The following PKP4 variants were observed in gnomAD, a reference collection of about 807,000 sequenced individuals.
PKP4 encodes the protein plakophilin 4.
Under a neutral mutation model 145.1 loss-of-function variants are expected in PKP4, and 90 were observed. The observed-to-expected ratio is 0.62, with a 90% confidence interval of 0.52 to 0.74. The LOEUF is 0.74. PKP4 is among the 30% of genes least tolerant of loss of function. The pLI is 0.00. For synonymous variants in PKP4, 563 were observed against 577.2 expected (o/e 0.98, Z 0.35); for missense variants, 1,340 against 1,482.7 (o/e 0.90, Z 1.58).
intron 1 of PKP4, among the ~76,000 whole-genome samples, chr2:158,522,182 G>A (rs539943301): frequency 6.6e-6 from 1 of 152,280 alleles, no homozygotes; most frequent in African/African-American, 2.4e-5. Context: ...TTAGTAAGGC[G>A]AGTAGAAGGG....
At chr2:158,587,004 A>G (rs2048857644) in intron 3 of PKP4, among the ~76,000 whole-genome samples, 1 of 152,228 alleles carries the variant, frequency 6.6e-6, no homozygotes, top group Non-Finnish European at 1.5e-5. Context: ...TATGAGTAAT[A>G]GAATCTTTTT....
At chr2:158,668,661 C>T (rs2057321985) in intron 16 of PKP4, among the ~76,000 whole-genome samples, 1 of 152,244 alleles carries the variant, frequency 6.6e-6, no homozygotes, top group African/African-American at 2.4e-5. Context: ...ATCATCTGCT[C>T]TGAAAACCAC....
intron 2 of PKP4, among the ~76,000 whole-genome samples, chr2:158,563,615 C>G (rs765194525): frequency 4.6e-5 from 7 of 151,958 alleles, no homozygotes; most frequent in Non-Finnish European, 8.8e-5. Flanking sequence ...TGGGTTGTTT[C>G]CAGTTTTATT....
At chr2:158,459,144 T>A (rs1484598467) in intron 1 of PKP4, among the ~76,000 whole-genome samples, 1 of 152,222 alleles carries the variant, frequency 6.6e-6, no homozygotes, top group Non-Finnish European at 1.5e-5. Flanking sequence ...TCTTCTTGAA[T>A]GCAGTATATT....
chr2:158,522,297 T>C (rs1347609484), intron 1 of PKP4, among the ~76,000 whole-genome samples: 2 of 152,210 alleles, frequency 1.3e-5, no homozygotes, highest in African/African-American at 4.8e-5. Flanking sequence ...AGAGATTACA[T>C]ATATATTGAA....
chr2:158,513,452 C>A (rs1002781090), intron 1 of PKP4, among the ~76,000 whole-genome samples: 2 of 152,088 alleles, frequency 1.3e-5, no homozygotes, highest in African/African-American at 4.8e-5. Context: ...TCCTAGGATT[C>A]GATTTAATGA....
chr2:158,679,606 T>A (rs551493822), intron 21 of PKP4, among the ~76,000 whole-genome samples: 1 of 152,170 alleles, frequency 6.6e-6, no homozygotes, highest in African/African-American at 2.4e-5. Context: ...TTGGGCATAA[T>A]CAAGAACATA....
chr2:158,667,410 C>G (rs924582860), intron 16 of PKP4, among the ~76,000 whole-genome samples: 1 of 152,144 alleles, frequency 6.6e-6, no homozygotes, highest in Non-Finnish European at 1.5e-5. Context: ...GCCTGCTGTC[C>G]TAACTGGGTT....
At position 158,662,883 on chromosome 2, in the gene PKP4, A is replaced by G; in HGVS notation, c.2212-14A>G. ...GCCGAGTTGTTTTTAATTATACGCC[A>G]TGCTGGGTTTCAGACGGTGGAGAAC... On this transcript the variant is annotated splice_polypyrimidine_tract_variant and intron_variant, in intron 13 of 21. Transcript: ENST00000389759. 2 of 1,586,162 alleles carry G rather than the reference A, an allele frequency of 1.3e-6. No individual in the cohort carries two copies. Among genetic ancestry groups the G allele is most frequent in the Non-Finnish European group, 1.7e-6 (2 of 1,166,460 alleles).
intron 11 of PKP4, among the ~76,000 whole-genome samples, chr2:158,645,280 G>C (rs183101261): frequency 6.6e-6 from 1 of 152,078 alleles, no homozygotes; most frequent in African/African-American, 2.4e-5. Context: ...TTTTGTTTAC[G>C]TGTACATGTA....
At chr2:158,576,533 T>C (rs1194934026) in intron 2 of PKP4, among the ~76,000 whole-genome samples, 2 of 152,186 alleles carry the variant, frequency 1.3e-5, no homozygotes, top group Non-Finnish European at 2.9e-5. Context: ...ATGAGAGAAA[T>C]ACAAATAAAG....
chr2:158,480,210 C>T (rs891852558), intron 1 of PKP4, among the ~76,000 whole-genome samples: 3 of 152,070 alleles, frequency 2.0e-5, no homozygotes, highest in African/African-American at 7.2e-5. Flanking sequence ...AAATTTGCCT[C>T]CTATATGGAA....
At chr2:158,543,589 A>G (rs2044708981) in intron 2 of PKP4, among the ~76,000 whole-genome samples, 1 of 152,242 alleles carries the variant, frequency 6.6e-6, no homozygotes, top group African/African-American at 2.4e-5. Flanking sequence ...TCAGAAAATA[A>G]GTAATAATAC....
intron 2 of PKP4, among the ~76,000 whole-genome samples, chr2:158,536,688 A>G (rs769482237): frequency 7.2e-5 from 11 of 152,244 alleles, no homozygotes; most frequent in Non-Finnish European, 1.3e-4. Flanking sequence ...GCATAATGCT[A>G]GAATTTACAA....
intron 2 of PKP4, among the ~76,000 whole-genome samples, chr2:158,534,789 G>T (rs1233438624): frequency 1.3e-5 from 2 of 152,172 alleles, no homozygotes; most frequent in Admixed American, 1.3e-4. Context: ...AGAATTCCTT[G>T]ATGGCCTCAA....
chr2:158,475,847 G>A (rs186681720), intron 1 of PKP4, among the ~76,000 whole-genome samples: 66 of 152,118 alleles, frequency 4.3e-4, no homozygotes, highest in Admixed American at 2.7e-3. Context: ...CTTGTCTTGG[G>A]GTCTGATTCT....
In PKP4 at chr2:158,625,385, A is replaced by T; in HGVS notation, c.1111A>T (p.Ile371Phe). The T allele has an allele frequency of 1.2e-6, 2 of 1,614,092 alleles. No individual in the cohort carries two copies. ...GCAATTCGGACAGCAGCAGTATGAC[A>T]TTTATGAGAGGATGGTTCCACCCAG... ...MEQFGQQQYD[I>F]YERMVPPRPD... The change falls in exon 7 of 22, where the codon ATT becomes TTT. Residue 371 changes from isoleucine (I) to phenylalanine (F), a missense_variant. Physicochemically the swap from Ile to Phe is conservative, Grantham distance 21. Coordinates refer to ENST00000389759, the MANE Select transcript of PKP4 (RefSeq NM_003628.6).
intron 1 of PKP4, among the ~76,000 whole-genome samples, chr2:158,484,446 C>T (rs935698952): frequency 6.6e-6 from 1 of 152,170 alleles, no homozygotes; most frequent in Non-Finnish European, 1.5e-5. Context: ...TGCAAGTGTC[C>T]GTTGCTGTCC....
chr2:158,566,453 T>A (rs550901969), intron 2 of PKP4, among the ~76,000 whole-genome samples: 2 of 151,456 alleles, frequency 1.3e-5, no homozygotes, highest in South Asian at 4.1e-4. Context: ...TTAGGTGATA[T>A]GCATCATTGG....
Sources: allele counts gnomAD v4.1 joint callset (sites outside exome capture counted in the v4.1 genomes callset), GRCh38; gene constraint gnomAD v4.1.1; transcripts MANE v1.5; gene names NCBI Gene and HGNC (gene_info 2026-07-23, HGNC 2026-07-21).